ATP2B2: variants seen among roughly 807,000 people sequenced by gnomAD.
The protein encoded by ATP2B2 is plasma membrane calcium-transporting ATPase 2.
ATP2B2 carries 15 observed loss-of-function variants against 120.0 expected under a neutral mutation model. The ratio of observed to expected loss-of-function variants is 0.12; its 90% CI spans 0.08 to 0.19. ATP2B2 has a LOEUF of 0.19. Among genes scored for constraint, ATP2B2 ranks in the 10% least tolerant of loss-of-function variants. The pLI is 1.00. For synonymous variants in ATP2B2, 694 were observed against 700.3 expected (o/e 0.99, Z 0.14); for missense variants, 1,045 against 1,719.8 (o/e 0.61, Z 6.94).
intron 1 of ATP2B2, among the ~76,000 whole-genome samples, chr3:10,674,077 T>C (rs990142668): frequency 6.6e-6 from 1 of 152,094 alleles, no homozygotes; most frequent in Non-Finnish European, 1.5e-5. Context: ...TTGTGAAACT[T>C]TGGAAGAATC....
chr3:10,353,942 G>A (rs181649274), intron 14 of ATP2B2, among the ~76,000 whole-genome samples: 94 of 152,240 alleles, frequency 6.2e-4, no homozygotes, highest in African/African-American at 1.9e-3. Flanking sequence ...CAGAGCCCAC[G>A]CACAGGATGG....
intron 1 of ATP2B2, among the ~76,000 whole-genome samples, chr3:10,465,390 A>G (rs942922243): frequency 2.0e-5 from 3 of 152,232 alleles, no homozygotes; most frequent in South Asian, 4.1e-4. Context: ...GTCTGATGAC[A>G]GGCAACTTGG....
At chr3:10,414,391 C>CA (rs757215026) in intron 2 of ATP2B2, among the ~76,000 whole-genome samples, 48 of 152,242 alleles carry the variant, frequency 3.2e-4, no homozygotes, top group Non-Finnish European at 6.0e-4. Context: ...GCAGACAGAG[C>CA]AGGGGCTGCA....
At chr3:10,380,506 G>C (rs2061502763) in intron 8 of ATP2B2, among the ~76,000 whole-genome samples, 1 of 152,188 alleles carries the variant, frequency 6.6e-6, no homozygotes, top group South Asian at 2.1e-4. Flanking sequence ...CACCTATGAA[G>C]GGTGTGCTTG....
chr3:10,428,448 A>G (rs998292994), intron 2 of ATP2B2, among the ~76,000 whole-genome samples: 10 of 151,848 alleles, frequency 6.6e-5, no homozygotes, highest in Non-Finnish European at 1.5e-4. Context: ...AGTTCCGGGG[A>G]TCCTCTTGCC....
At position 10,488,234 on chromosome 3, in the gene ATP2B2, T is replaced by TCCATCCATCC. The variant is rs1559402222; in HGVS notation, c.-320+17230_-320+17231insGGATGGATGG. On this transcript the variant is annotated intron_variant, in intron 1 of 22. Coordinates refer to ENST00000360273, the MANE Select transcript of ATP2B2 (RefSeq NM_001001331.4). ...CCATCCATCCATCCACTCATCCACC[T>TCCATCCATCC]ATCCATCCATCCATCCATCCATCCA... Among the ~76,000 whole-genome samples the TCCATCCATCC allele has an allele frequency of 9.2e-3, 991 of 107,230 alleles. 13 individuals are homozygous for TCCATCCATCC. Among genetic ancestry groups the TCCATCCATCC allele is most frequent in the Middle Eastern group, 0.015 (3 of 198 alleles). 70.3% of individuals were successfully genotyped at this position (107,230 alleles called of 152,430 possible). A position where few individuals can be genotyped will look rare whatever the true frequency, so the allele number is the denominator to read the frequency against.
At chr3:10,503,847 C>T (rs1033048179) in intron 1 of ATP2B2, among the ~76,000 whole-genome samples, 3 of 152,208 alleles carry the variant, frequency 2.0e-5, no homozygotes, top group African/African-American at 2.4e-5. Context: ...ACTGCTTTCC[C>T]GTGTTAGTGC....
At chr3:10,551,022 C>T (rs142216946) in intron 2 of ATP2B2, among the ~76,000 whole-genome samples, 3 of 152,318 alleles carry the variant, frequency 2.0e-5, no homozygotes, top group African/African-American at 7.2e-5. Context: ...AGCACTGAGG[C>T]AGGTGGGAAT....
intron 5 of ATP2B2, 121 bp from the exon 6 acceptor site, chr3:10,388,523 A>C: frequency 7.0e-7 from 1 of 1,423,068 alleles, no homozygotes. Flanking sequence ...ATGGGGCATC[A>C]CCTATGGTTA....
intron 2 of ATP2B2, among the ~76,000 whole-genome samples, chr3:10,618,195 C>A (rs1460020117): frequency 6.6e-6 from 1 of 152,182 alleles, no homozygotes; most frequent in Non-Finnish European, 1.5e-5. Flanking sequence ...GGGTTCCAGT[C>A]CTGCATCTTA....
chr3:10,540,376 C>T (rs1445349161), intron 2 of ATP2B2, among the ~76,000 whole-genome samples: 2 of 152,100 alleles, frequency 1.3e-5, no homozygotes, highest in African/African-American at 4.8e-5. Flanking sequence ...TGGGTATATA[C>T]CCAAAGGATT....
intron 3 of ATP2B2, among the ~76,000 whole-genome samples, chr3:10,531,758 C>A (rs1310684787): frequency 1.3e-5 from 2 of 152,130 alleles, no homozygotes; most frequent in Non-Finnish European, 2.9e-5. Flanking sequence ...GTAGTGAGGA[C>A]AAGGGGCTCA....
intron 1 of ATP2B2, among the ~76,000 whole-genome samples, chr3:10,657,758 C>T (rs1487008293): frequency 6.6e-6 from 1 of 152,192 alleles, no homozygotes; most frequent in Non-Finnish European, 1.5e-5. Flanking sequence ...AGTGGTTCTC[C>T]CAGCACAGAG....
intron 1 of ATP2B2, among the ~76,000 whole-genome samples, chr3:10,491,346 C>T (rs2065928070): frequency 6.6e-6 from 1 of 152,100 alleles, no homozygotes; most frequent in Non-Finnish European, 1.5e-5. Flanking sequence ...CTGCCTCAGC[C>T]TCCCGAGTAG....
intron 1 of ATP2B2, among the ~76,000 whole-genome samples, chr3:10,462,925 TG>T (rs1265635839): frequency 1.3e-5 from 2 of 152,168 alleles, no homozygotes; most frequent in Non-Finnish European, 2.9e-5. Context: ...TAACACCCAG[TG>T]TTGGGTCCCA....
chr3:10,698,417 G>C (rs952452310), intron 1 of ATP2B2, among the ~76,000 whole-genome samples: 1 of 152,186 alleles, frequency 6.6e-6, no homozygotes. Flanking sequence ...ATCCACCTTT[G>C]ATTATGTGAG....
rs921846968 is a variant in ATP2B2 at position 10,635,058 on chromosome 3, C to T, written c.-459-15097G>A. 2.0e-5 allele frequency among the ~76,000 whole-genome samples: 3 copies of T among 151,760 alleles called. No individual in the cohort carries two copies. Among genetic ancestry groups the T allele is most frequent in the South Asian group, 2.1e-4 (1 of 4,748 alleles). ...GAGCCTTCCAACACTCGCAGGACCC[C>T]GAGATAAATGTCCCTGGGAATTGGA... On this transcript the variant is annotated intron_variant, in intron 1 of 21. Coordinates refer to the ATP2B2 transcript ENST00000646379. This position sits in a 1 kb window ranked among gnomAD's most constrained non-coding sequence, Gnocchi z 4.3.
At chr3:10,376,281 T>C (rs1489452799) in intron 10 of ATP2B2, among the ~76,000 whole-genome samples, 4 of 152,144 alleles carry the variant, frequency 2.6e-5, no homozygotes, top group South Asian at 4.1e-4. Flanking sequence ...GATGATGTGA[T>C]AGAAAGTGAC....
At chr3:10,387,255 T>A (rs2061707892) in intron 6 of ATP2B2, among the ~76,000 whole-genome samples, 1 of 152,264 alleles carries the variant, frequency 6.6e-6, no homozygotes, top group Non-Finnish European at 1.5e-5. Flanking sequence ...CCCATTGTCC[T>A]GCTGGAGGGG....
Sources: allele counts gnomAD v4.1 joint callset (sites outside exome capture counted in the v4.1 genomes callset), GRCh38; gene constraint gnomAD v4.1.1; non-coding constraint Gnocchi (gnomAD v3.1); transcripts MANE v1.5; gene names NCBI Gene and HGNC (gene_info 2026-07-23, HGNC 2026-07-21).